MYOCD: variants seen among roughly 807,000 people sequenced by gnomAD.
MYOCD encodes the protein myocardin.
A neutral mutation model predicts 96.1 loss-of-function variants in MYOCD; 32 were observed. The observed-to-expected ratio is 0.33, with a 90% CI of 0.25 to 0.45. The LOEUF (loss-of-function observed/expected upper bound fraction) is 0.45. MYOCD is among the 20% of genes least tolerant of loss of function. The probability of loss-of-function intolerance (pLI) is 1.00; values close to 1 mark genes in which losing one functional copy is unlikely to be tolerated. For missense variants in MYOCD, 1,133 were observed against 1,200.6 expected, an observed-to-expected ratio of 0.94 and a Z score of 0.83; for synonymous variants, 469 against 469.0, an observed-to-expected ratio of 1.00 and a Z score of 0.00.
At chr17:12,675,685 C>T (rs942808584) in intron 1 of MYOCD, among the ~76,000 whole-genome samples, 2 of 152,100 alleles carry the variant, frequency 1.3e-5, no homozygotes, top group Non-Finnish European at 2.9e-5. Context: ...GGTGAAAACC[C>T]GTCCCTACTA....
intron 1 of MYOCD, among the ~76,000 whole-genome samples, chr17:12,691,757 C>A (rs191858967): frequency 6.6e-6 from 1 of 152,294 alleles, no homozygotes; most frequent in Non-Finnish European, 1.5e-5. Context: ...TTGGAACTTA[C>A]ACTCATGAGA....
intron 9 of MYOCD, among the ~76,000 whole-genome samples, chr17:12,748,587 T>G (rs867109466): frequency 6.6e-6 from 1 of 152,188 alleles, no homozygotes; most frequent in African/African-American, 2.4e-5. Context: ...GAGGTGTATA[T>G]AAACCTTTGT....
intron 9 of MYOCD, among the ~76,000 whole-genome samples, chr17:12,749,398 G>A (rs979337365): frequency 1.8e-4 from 28 of 151,808 alleles, no homozygotes; most frequent in Non-Finnish European, 2.8e-4. Context: ...GTGTGGTGGT[G>A]CACACCTGTA....
At chr17:12,679,602 A>G (rs1281675315) in intron 1 of MYOCD, among the ~76,000 whole-genome samples, 3 of 152,342 alleles carry the variant, frequency 2.0e-5, no homozygotes, top group Admixed American at 1.3e-4. Context: ...ACATATATAT[A>G]GTATGAGAGA....
At position 12,753,126 on chromosome 17, in the gene MYOCD, A is replaced by G. The variant is rs773713200; in HGVS notation, c.1838A>G (p.His613Arg). Residue 613 changes from histidine to arginine, a missense_variant, in exon 10 of 14, where the codon CAT becomes CGT. By Grantham distance (29) the His-to-Arg change is conservative. Coordinates refer to ENST00000425538, the MANE Select transcript of MYOCD (RefSeq NM_001146312.3). Reference protein sequence around the residue: ...AAQLQPLGNAHCVESSDQTNV... With the variant: ...AAQLQPLGNARCVESSDQTNV... Reference sequence around the variant, plus strand: ...CAACTCCAGCCTCTTGGAAATGCTCATTGTGTGGAGTCCTCAGATCAAACC... The same window carrying G: ...CAACTCCAGCCTCTTGGAAATGCTCGTTGTGTGGAGTCCTCAGATCAAACC... 2 of 1,614,086 alleles carry G rather than the reference A, an allele frequency of 1.2e-6. No homozygotes were observed. Among genetic ancestry groups the G allele is most frequent in the South Asian group, 2.2e-5 (2 of 91,082 alleles).
intron 1 of MYOCD, among the ~76,000 whole-genome samples, chr17:12,678,313 C>CAAA (rs34341177): frequency 2.0e-4 from 29 of 147,936 alleles, no homozygotes; most frequent in South Asian, 1.1e-3. Flanking sequence ...CTTTTCCTTT[C>CAAA]AAAAAAAAAA....
chr17:12,746,948 G>A (rs1306406094), intron 9 of MYOCD, among the ~76,000 whole-genome samples: 6 of 151,720 alleles, frequency 4.0e-5, no homozygotes, highest in Admixed American at 6.6e-5. Context: ...GGCTGGTCTC[G>A]AACTCCTGAC....
At chr17:12,736,052 GGA>G (rs1640820636) in intron 5 of MYOCD, 107 bp from the exon 6 acceptor site, 19 of 895,238 alleles carry the variant, frequency 2.1e-5, no homozygotes, top group South Asian at 1.2e-4. Context: ...AAAACAAACT[GGA>G]GAGAGAGAGG....
At chr17:12,730,202 C>T (rs1316733120) in intron 5 of MYOCD, among the ~76,000 whole-genome samples, 1 of 151,960 alleles carries the variant, frequency 6.6e-6, no homozygotes, top group Non-Finnish European at 1.5e-5. Context: ...AATCCCAGCA[C>T]TTTGGGAGGC....
chr17:12,751,298 TGTAC>T (rs2150718393), intron 9 of MYOCD, among the ~76,000 whole-genome samples: 1 of 151,118 alleles, frequency 6.6e-6, no homozygotes, highest in African/African-American at 2.4e-5. Flanking sequence ...TATATATATA[TGTAC>T]ATACATTGTT....
intron 7 of MYOCD, among the ~76,000 whole-genome samples, chr17:12,743,367 C>T (rs2032567406): frequency 6.6e-6 from 1 of 151,634 alleles, no homozygotes; most frequent in African/African-American, 2.4e-5. Flanking sequence ...CTCAAAGCAA[C>T]AAATAACCAC....
In MYOCD at chr17:12,768,051, A is replaced by G. The variant is rs2033386699; in HGVS notation, c.*4407A>G. ...AGTTTGCAATCAAATATCAGATATG[A>G]GAAAACCTGTAGTGAAGAGTCTGGG... On this transcript the variant is annotated 3_prime_UTR_variant, in exon 14 of 14. Coordinates refer to ENST00000425538, the MANE Select transcript of MYOCD (RefSeq NM_001146312.3). 6.6e-6 allele frequency: 1 copy of G among 152,198 alleles called. No homozygotes were observed. The highest frequency in any genetic ancestry group is 1.5e-5 in the Non-Finnish European group (1 of 68,040). 9.4% of individuals were successfully genotyped at this position (152,198 alleles called of 1,614,324 possible).
At chr17:12,691,117 C>T (rs1307680994) in intron 1 of MYOCD, among the ~76,000 whole-genome samples, 1 of 152,120 alleles carries the variant, frequency 6.6e-6, no homozygotes, top group Non-Finnish European at 1.5e-5. Flanking sequence ...CGTTCCCTAG[C>T]AATGTCACAT....
At chr17:12,669,253 GCA>G (rs1237772410) in intron 1 of MYOCD, among the ~76,000 whole-genome samples, 2 of 152,116 alleles carry the variant, frequency 1.3e-5, no homozygotes, top group Non-Finnish European at 2.9e-5. Context: ...CCACACACAG[GCA>G]CACACAGCCC....
intron 1 of MYOCD, among the ~76,000 whole-genome samples, chr17:12,671,340 TG>T (rs1909700846): frequency 6.6e-6 from 1 of 152,166 alleles, no homozygotes; most frequent in Non-Finnish European, 1.5e-5. Context: ...TGCGTTTGTG[TG>T]TACTAAAACT....
intron 1 of MYOCD, among the ~76,000 whole-genome samples, chr17:12,670,648 T>C (rs1315424825): frequency 6.6e-6 from 1 of 152,222 alleles, no homozygotes; most frequent in Non-Finnish European, 1.5e-5. Context: ...TTTATGTATG[T>C]ACATATAATT....
intron 13 of MYOCD, chr17:12,761,590 T>TACAC (rs5819386): frequency 0.21 from 28,932 of 140,998 alleles, 3,307 homozygotes; most frequent in Admixed American, 0.27. Flanking sequence ...CAGATGCCCA[T>TACAC]ACACACACAC....
At chr17:12,756,643 C>G in intron 11 of MYOCD, 86 bp downstream of exon 11, 2 of 1,301,148 alleles carry the variant, frequency 1.5e-6, no homozygotes, top group Non-Finnish European at 2.1e-6. Context: ...TTGCAGTGAG[C>G]CGAGATCGCA....
At chr17:12,738,154 G>T (rs555276568) in intron 6 of MYOCD, among the ~76,000 whole-genome samples, 1 of 152,288 alleles carries the variant, frequency 6.6e-6, no homozygotes, top group East Asian at 1.9e-4. Context: ...ACAATGCCAG[G>T]CAAGATGCAA....
Sources: gnomAD v4.1 joint callset for allele counts (sites outside exome capture counted in the v4.1 genomes callset) on GRCh38, gnomAD v4.1.1 for gene constraint, MANE v1.5 for transcripts, NCBI Gene and HGNC (gene_info 2026-07-23, HGNC 2026-07-21) for gene names.